The following PRICKLE2 variants were observed in gnomAD, a reference collection of about 807,000 sequenced individuals.
The protein encoded by PRICKLE2 is prickle-like protein 2.
PRICKLE2 carries 21 observed loss-of-function variants against 81.4 expected under a neutral mutation model. The observed-to-expected ratio is 0.26, with a 90% CI of 0.18 to 0.37. PRICKLE2 has a LOEUF of 0.37. Ranked by LOEUF, PRICKLE2 falls within the 10% of genes least tolerant of loss-of-function variation. The pLI, the probability that PRICKLE2 is intolerant of heterozygous loss-of-function variation, is 1.00. For missense variants in PRICKLE2, 940 were observed against 1,109.0 expected, an observed-to-expected ratio of 0.85 and a Z score of 2.16; for synonymous variants, 456 against 421.5, an observed-to-expected ratio of 1.08 and a Z score of -1.00.
At chr3:64,113,891 G>T (rs1395413854) in intron 7 of PRICKLE2, among the ~76,000 whole-genome samples, 1 of 152,080 alleles carries the variant, frequency 6.6e-6, no homozygotes, top group Non-Finnish European at 1.5e-5. Flanking sequence ...TCTCCAGCAG[G>T]GGCCCCCCAC....
chr3:64,178,458 T>C (rs1395150276), intron 2 of PRICKLE2, among the ~76,000 whole-genome samples: 3 of 152,170 alleles, frequency 2.0e-5, no homozygotes, highest in African/African-American at 4.8e-5. Context: ...CTGGATATGA[T>C]ACATGTGACT....
intron 2 of PRICKLE2, among the ~76,000 whole-genome samples, chr3:64,186,770 A>T (rs549537238): frequency 6.6e-6 from 1 of 152,338 alleles, no homozygotes; most frequent in Admixed American, 6.5e-5. Context: ...GAAGTTAGTT[A>T]CTTGCTGATT....
At chr3:64,257,810 AG>A (rs1172794103) in intron 2 of PRICKLE2, among the ~76,000 whole-genome samples, 3 of 152,158 alleles carry the variant, frequency 2.0e-5, no homozygotes, top group Non-Finnish European at 4.4e-5. Flanking sequence ...TCAAATTCAT[AG>A]GTTTAAATCC....
intron 7 of PRICKLE2, among the ~76,000 whole-genome samples, chr3:64,117,707 C>A (rs925863490): frequency 2.6e-5 from 4 of 152,098 alleles, no homozygotes; most frequent in Non-Finnish European, 4.4e-5. Context: ...AGAGATGACA[C>A]AAACAAGTGA....
At chr3:64,161,715 TAAAAA>T (rs10715000) in intron 3 of PRICKLE2, among the ~76,000 whole-genome samples, 3,940 of 118,040 alleles carry the variant, frequency 0.033, 170 homozygotes, top group African/African-American at 0.11. Context: ...TAAAAAGAGT[TAAAAA>T]AAAAAAAAAA....
At chr3:64,265,695 C>A (rs2079693542) in intron 2 of PRICKLE2, among the ~76,000 whole-genome samples, 1 of 152,182 alleles carries the variant, frequency 6.6e-6, no homozygotes, top group South Asian at 2.1e-4. Context: ...GACCACTTAG[C>A]CTGCTCTGCA....
chr3:64,153,231 G>A lies in PRICKLE2; in HGVS notation c.738C>T (p.Cys246=). 6.2e-7 allele frequency: 1 copy of A among 1,614,194 alleles called. No individual in the cohort carries two copies. Among genetic ancestry groups the A allele is most frequent in the South Asian group, 1.1e-5 (1 of 91,076 alleles). Reference sequence around the variant, plus strand: ...AATATTCTGCATACAAGGACTCGAAGCAGTGGCAACAGTAGGGTCTTCCCT... The same window carrying A: ...AATATTCTGCATACAAGGACTCGAAACAGTGGCAACAGTAGGGTCTTCCCT... ...MKEGRPYCCH[C]FESLYAEYCD... The change falls in exon 6 of 8, where the codon TGC becomes TGT. Residue 246 remains cysteine, a synonymous_variant. Transcript: ENST00000638394.
At chr3:64,246,673 A>C (rs2107176054) in intron 2 of PRICKLE2, among the ~76,000 whole-genome samples, 1 of 152,314 alleles carries the variant, frequency 6.6e-6, no homozygotes, top group East Asian at 1.9e-4. Context: ...ACGACTTTCC[A>C]GGTGCTGGTA....
intron 7 of PRICKLE2, among the ~76,000 whole-genome samples, chr3:64,133,886 T>C (rs1278817935): frequency 1.3e-5 from 2 of 152,168 alleles, no homozygotes; most frequent in Admixed American, 1.3e-4. Context: ...CTCACACTCA[T>C]CCATTGATGC....
Position 64,147,240 on chromosome 3 carries a change from T to C in PRICKLE2, c.1250A>G (p.Gln417Arg). ...TCTGATGTTGCACTGGCTGAGGAGC[T>C]GCAGAGGGCTCTGGGTCTGGTTCTG... ...MEQNQTQSPLQLLSQCNIRTS... is the reference protein window; with the variant it reads ...MEQNQTQSPLRLLSQCNIRTS... Residue 417 changes from glutamine to arginine, a missense_variant, in exon 7 of 8, where the codon CAG (glutamine) becomes CGG (arginine). By Grantham distance (43) the Gln-to-Arg change is conservative (BLOSUM62 1). Around this residue, in one of 2 missense-constraint regions of PRICKLE2, gnomAD observed 670 missense variants for 717.2 expected, o/e 0.93. Transcript: ENST00000638394. The surrounding 1 kb of genome is among the most constrained non-coding windows in gnomAD (Gnocchi z 5.0). 6.2e-7 allele frequency: 1 copy of C among 1,609,074 alleles called. No individual in the cohort carries two copies. Among genetic ancestry groups the C allele is most frequent in the Non-Finnish European group, 8.5e-7 (1 of 1,176,740 alleles).
At chr3:64,106,182 T>G (rs1274530250) in intron 7 of PRICKLE2, 2 of 152,232 alleles carry the variant, frequency 1.3e-5, no homozygotes, top group Non-Finnish European at 2.9e-5. Context: ...CTCATACTGA[T>G]GATTTAGCTC....
intron 2 of PRICKLE2, among the ~76,000 whole-genome samples, chr3:64,263,477 T>G (rs1053379818): frequency 6.6e-6 from 1 of 152,216 alleles, no homozygotes; most frequent in African/African-American, 2.4e-5. Context: ...AATGAGGCTT[T>G]GTTCAGTCTC....
chr3:64,194,423 C>T (rs577568319), intron 2 of PRICKLE2: 1 of 152,362 alleles, frequency 6.6e-6, no homozygotes, highest in Non-Finnish European at 1.5e-5. Context: ...ACCCAGTGAT[C>T]CTCCTATTCC....
At chr3:64,226,708 C>G (rs1339215282), upstream of PRICKLE2, among the ~76,000 whole-genome samples, 1 of 152,216 alleles carries the variant, frequency 6.6e-6, no homozygotes, top group Admixed American at 6.5e-5. Flanking sequence ...ATCACTGTTC[C>G]TAGCATCTGA....
chr3:64,179,624 T>A (rs1186871745), intron 2 of PRICKLE2, among the ~76,000 whole-genome samples: 4 of 152,204 alleles, frequency 2.6e-5, no homozygotes, highest in Non-Finnish European at 4.4e-5. Context: ...TTTTTATCCC[T>A]CAGTGTATGC....
chr3:64,152,301 C>A (rs1263137981), intron 6 of PRICKLE2, among the ~76,000 whole-genome samples: 1 of 152,174 alleles, frequency 6.6e-6, no homozygotes, highest in Non-Finnish European at 1.5e-5. Flanking sequence ...ATCTCACAGA[C>A]ATTCAGCCAC....
At position 64,095,599 on chromosome 3, in the gene PRICKLE2, T is replaced by C. The variant is rs2076561498; in HGVS notation, c.*3452A>G. ...CACAGGCCTCACCTGAATTGAACAA[T>C]AGCTAGTAGTACCCAAGAAGCAGAA... On this transcript the variant is annotated 3_prime_UTR_variant, in exon 8 of 8. Transcript: ENST00000638394. 1 of 152,148 alleles carries C rather than the reference T, an allele frequency of 6.6e-6. No individual in the cohort carries two copies. The highest frequency in any genetic ancestry group is 2.4e-5 in the African/African-American group (1 of 41,424). The allele number at this position is 152,148 out of a possible 1,614,324, so 9.4% of individuals were successfully genotyped here.
At chr3:64,113,128 G>A (rs887001285) in intron 7 of PRICKLE2, among the ~76,000 whole-genome samples, 11 of 152,320 alleles carry the variant, frequency 7.2e-5, no homozygotes, top group African/African-American at 2.6e-4. Flanking sequence ...TGACCACCAT[G>A]GACACTTGAG....
intron 2 of PRICKLE2, among the ~76,000 whole-genome samples, chr3:64,234,131 C>T (rs187224847): frequency 2.0e-5 from 3 of 151,994 alleles, no homozygotes; most frequent in Non-Finnish European, 2.9e-5. Context: ...TGAACATTCA[C>T]GTATAAGTTT....
Sources: gnomAD v4.1 joint callset for allele counts (sites outside exome capture counted in the v4.1 genomes callset) on GRCh38, gnomAD v4.1.1 for gene constraint, gnomAD v4.1.1 regional missense constraint, Gnocchi (gnomAD v3.1) non-coding constraint, MANE v1.5 for transcripts, NCBI Gene and HGNC (gene_info 2026-07-23, HGNC 2026-07-21) for gene names.